Variants in PKD1L3 observed in about 807,000 individuals in gnomAD.
PKD1L3 encodes the protein polycystin-1-like protein 3.
PKD1L3 carries 239 observed loss-of-function variants against 184.1 expected under a neutral mutation model. That is an observed-to-expected ratio of 1.30 (90% confidence interval 1.17 to 1.45). The LOEUF (loss-of-function observed/expected upper bound fraction) is 1.45. Ranked by LOEUF, PKD1L3 falls within the 40% of genes most tolerant of loss-of-function variation. The pLI, the probability that PKD1L3 is intolerant of heterozygous loss-of-function variation, is 0.00. For missense variants in PKD1L3, 2,660 were observed against 2,067.2 expected, an observed-to-expected ratio of 1.29 and a Z score of -5.56; for synonymous variants, 996 against 778.8, an observed-to-expected ratio of 1.28 and a Z score of -4.64.
intron 22 of PKD1L3, among the ~76,000 whole-genome samples, chr16:71,945,392 A>C (rs936045473): frequency 1.0e-4 from 6 of 59,172 alleles, no homozygotes; most frequent in Non-Finnish European, 2.1e-4. Flanking sequence ...ACATATATAT[A>C]TATATATTTA....
At chr16:71,950,880 C>T (rs1199990817) in intron 19 of PKD1L3, among the ~76,000 whole-genome samples, 2 of 151,292 alleles carry the variant, frequency 1.3e-5, no homozygotes, top group African/African-American at 4.9e-5. Flanking sequence ...TTACAGGCAT[C>T]TGCCACCATG....
chr16:71,999,687 G>A lies in PKD1L3; in HGVS notation c.292C>T (p.Pro98Ser). The A allele has an allele frequency of 6.5e-7, 1 of 1,543,216 alleles. No individual in the cohort carries two copies. Among genetic ancestry groups the A allele is most frequent in the Non-Finnish European group, 8.8e-7 (1 of 1,141,536 alleles). ...ACACTGAACCCCAGGGTCTTACCTGGGTATTTGTTGTCTTGATGCTTTTTC... is the reference window on the plus strand; with the variant it reads ...ACACTGAACCCCAGGGTCTTACCTGAGTATTTGTTGTCTTGATGCTTTTTC... The part of the protein sequence containing the change: ...PLKKHQDNKY[P>S]ADVAANGPPK... Residue 98 changes from proline to serine, a missense_variant, in exon 1 of 30, where the codon CCA becomes TCA. Transcript: ENST00000620267.
chr16:71,973,474 G>T lies in PKD1L3; in HGVS notation c.1803C>A (p.His601Gln), dbSNP rs537040106. The T allele has an allele frequency of 3.5e-5, 54 of 1,551,808 alleles. 1 individual carries two copies. The African/African-American group carries it at 5.3e-4, about 15-fold the overall frequency. The change falls in exon 12 of 30, where the codon CAC (histidine) becomes CAA (glutamine). Residue 601 changes from histidine to glutamine, a missense_variant. Physicochemically the swap from His to Gln is conservative, Grantham distance 24 (BLOSUM62 0). Coordinates refer to ENST00000620267, the MANE Select transcript of PKD1L3 (RefSeq NM_181536.2). Reference sequence around the variant, plus strand: ...CTGTTATATAGTAGGTGCCAATCCCGTGCTGCAGATGCTCTGGATTCAGCA... The same window carrying T: ...CTGTTATATAGTAGGTGCCAATCCCTTGCTGCAGATGCTCTGGATTCAGCA... ...TWVLNPEHLQ[H>Q]GIGTYYITAV... is the part of the protein sequence containing the mutation.
At chr16:71,994,339 T>A (rs529109712) in intron 2 of PKD1L3, among the ~76,000 whole-genome samples, 1 of 152,146 alleles carries the variant, frequency 6.6e-6, no homozygotes, top group Non-Finnish European at 1.5e-5. Context: ...GTGATAACCT[T>A]GCTTTCTAAC....
intron 3 of PKD1L3, among the ~76,000 whole-genome samples, chr16:71,992,567 C>T (rs1166126708): frequency 6.6e-6 from 1 of 152,174 alleles, no homozygotes; most frequent in African/African-American, 2.4e-5. Context: ...CTAATGCTAT[C>T]ACTAAACATT....
In PKD1L3 at chr16:71,986,463, T is replaced by A; in HGVS notation, c.592A>T (p.Thr198Ser). 1 of 1,549,000 alleles carries A rather than the reference T, an allele frequency of 6.5e-7. No individual in the cohort carries two copies. Among genetic ancestry groups the A allele is most frequent in the Non-Finnish European group, 8.7e-7 (1 of 1,145,088 alleles). Residue 198 changes from threonine to serine, a missense_variant, in exon 5 of 30, where the codon ACC becomes TCC. Thr to Ser is a moderately conservative substitution (Grantham distance 58, BLOSUM62 1). Transcript: ENST00000620267. ...AACTGGCTGATGGGATGACACAGGG[T>A]CTTGGACTAAAAGATAAAAATATGT... ...HYPLPAHLSK[T>S]LCHPISQFPS... is the part of the protein sequence containing the mutation.
intron 12 of PKD1L3, 84 bp from the exon 13 acceptor site, chr16:71,970,189 A>C (rs2039659446): frequency 1.9e-6 from 2 of 1,049,790 alleles, no homozygotes; most frequent in Non-Finnish European, 2.8e-6. Flanking sequence ...AGCAATTTAG[A>C]GATGGAAAGA....
chr16:71,950,147 A>G lies in PKD1L3; in HGVS notation c.3354T>C (p.His1118=). The G allele has an allele frequency of 6.4e-7, 1 of 1,552,178 alleles. No homozygotes were observed. Among genetic ancestry groups the G allele is most frequent in the Non-Finnish European group, 8.7e-7 (1 of 1,147,074 alleles). The change falls in exon 20 of 30, where the codon CAT becomes CAC. Residue 1118 remains histidine, a synonymous_variant. Transcript: ENST00000620267. ...ATGGCTCTTGCTCCGTGGGAAGAAT[A>G]TGTGTTTCCAAGAGTTCCTGGAGTT... The part of the protein sequence containing the change: ...LQKLQELLET[H]ILPTEQEPSR...
intron 16 of PKD1L3, among the ~76,000 whole-genome samples, chr16:71,958,247 C>A (rs1392568732): frequency 6.6e-6 from 1 of 151,158 alleles, no homozygotes; most frequent in African/African-American, 2.4e-5. Flanking sequence ...ATTAGCTGGG[C>A]GTAGTGGCGG....
At chr16:71,990,633 C>A (rs1003705195) in intron 3 of PKD1L3, among the ~76,000 whole-genome samples, 1 of 152,024 alleles carries the variant, frequency 6.6e-6, no homozygotes, top group African/African-American at 2.4e-5. Flanking sequence ...ACTCGGGAGG[C>A]TGAGGCAGGA....
chr16:71,991,773 T>C (rs2040599821), intron 3 of PKD1L3, among the ~76,000 whole-genome samples: 1 of 152,146 alleles, frequency 6.6e-6, no homozygotes, highest in Non-Finnish European at 1.5e-5. Context: ...CTAAGCACAA[T>C]TAGTGAAAAG....
At chr16:71,957,851 G>C (rs887309090) in intron 16 of PKD1L3, among the ~76,000 whole-genome samples, 2 of 152,074 alleles carry the variant, frequency 1.3e-5, no homozygotes, top group African/African-American at 4.8e-5. Context: ...TTCAAGACAA[G>C]AATTATTACT....
In PKD1L3 at chr16:71,986,243, G is replaced by T; in HGVS notation, c.812C>A (p.Ser271Ter). 2 of 1,552,310 alleles carry T rather than the reference G, an allele frequency of 1.3e-6. No individual in the cohort carries two copies. The highest frequency in any genetic ancestry group is 2.4e-5 in the South Asian group (2 of 84,038). Residue 271 changes from serine (S) to a stop codon, truncating the protein, a stop_gained, in exon 5 of 30, where the codon TCA becomes TAA. Transcript: ENST00000620267. LOFTEE classifies it high-confidence loss of function. ...PNTFTSYLQV[S>*]LQKASGQVID... is the part of the protein sequence containing the mutation. ...TACCTGACCAGATGCCTTCTGCAAT[G>T]ACACTTGTAGATAAGAGGTGAAGGT...
chr16:71,966,734 T>G (rs2143577762), intron 15 of PKD1L3, among the ~76,000 whole-genome samples: 1 of 152,250 alleles, frequency 6.6e-6, no homozygotes, highest in East Asian at 1.9e-4. Context: ...GCCCTGCCCT[T>G]AAGCTCTTAA....
intron 11 of PKD1L3, among the ~76,000 whole-genome samples, chr16:71,976,517 A>C (rs1388059394): frequency 2.0e-5 from 3 of 151,982 alleles, no homozygotes; most frequent in Non-Finnish European, 4.4e-5. Flanking sequence ...TCAGCCTCCC[A>C]AAGTGCTGGG....
chr16:71,979,789 G>A lies in PKD1L3; in HGVS notation c.1395C>T (p.Val465=). 4 of 1,498,808 alleles carry A rather than the reference G, an allele frequency of 2.7e-6. No individual in the cohort carries two copies. Among genetic ancestry groups the A allele is most frequent in the Non-Finnish European group, 3.5e-6 (4 of 1,128,112 alleles). The allele number at this position is 1,498,808 out of a possible 1,614,324, so 92.8% of individuals were successfully genotyped here. ...TCACAATCAATTTCACACTCACTTG[G>A]ACATTAACTCCTGGATGTTTATTCA... is the stretch of plus-strand genomic sequence containing the variant. ...ELLNKHPGVN[V]QITGLAFNPF... Residue 465 remains valine, a synonymous_variant, in exon 9 of 30, where the codon GTC becomes GTT. Coordinates refer to ENST00000620267, the MANE Select transcript of PKD1L3 (RefSeq NM_181536.2).
chr16:71,941,730 G>A (rs1331073829), intron 24 of PKD1L3, among the ~76,000 whole-genome samples: 5 of 151,638 alleles, frequency 3.3e-5, no homozygotes, highest in Admixed American at 2.6e-4. Flanking sequence ...GACTGCAGGC[G>A]CGAGCCACCA....
At chr16:71,988,014 T>C (rs1414753584) in intron 4 of PKD1L3, among the ~76,000 whole-genome samples, 1 of 152,024 alleles carries the variant, frequency 6.6e-6, no homozygotes, top group Non-Finnish European at 1.5e-5. Context: ...TTGAAGGGAA[T>C]GCAGATGTTA....
rs2038405137 is a variant in PKD1L3, at chr16:71,942,753, T to C, written c.4131A>G (p.Lys1377=). The part of the protein sequence containing the change: ...FQIPRTKTYE[K]VDEGQLAFCD... ...AAAACGCCAGCTGACCTTCGTCCAC[T>C]TTCTCATAGGTCTTGGTACGGGGTA... The change falls in exon 24 of 30, where the codon AAA becomes AAG. Residue 1377 remains lysine (K), a synonymous_variant. Coordinates refer to ENST00000620267, the MANE Select transcript of PKD1L3 (RefSeq NM_181536.2). The C allele has an allele frequency of 6.4e-7, 1 of 1,551,608 alleles. No homozygotes were observed. The highest frequency in any genetic ancestry group is 8.7e-7 in the Non-Finnish European group (1 of 1,147,014).
Sources: allele counts gnomAD v4.1 joint callset (sites outside exome capture counted in the v4.1 genomes callset), GRCh38; gene constraint gnomAD v4.1.1; transcripts MANE v1.5; gene names NCBI Gene and HGNC (gene_info 2026-07-23, HGNC 2026-07-21).